The following VCL variants were observed in gnomAD, a reference collection of about 807,000 sequenced individuals.
VCL encodes vinculin, also known as epididymis luminal protein 114.
Under a neutral mutation model 125.7 loss-of-function variants are expected in VCL, and 47 were observed. The observed-to-expected ratio is 0.37, with a 90% CI of 0.30 to 0.48. VCL has a LOEUF of 0.48. VCL is among the 20% of genes least tolerant of loss of function. The pLI is 0.99. For synonymous variants in VCL, 458 were observed against 514.6 expected, an observed-to-expected ratio of 0.89 and a Z score of 1.49; for missense variants, 1,069 against 1,455.5, an observed-to-expected ratio of 0.73 and a Z score of 4.32.
chr10:74,060,291 C>T (rs182695846), intron 2 of VCL, among the ~76,000 whole-genome samples: 6 of 150,816 alleles, frequency 4.0e-5, no homozygotes, highest in Non-Finnish European at 8.9e-5. Context: ...GGTAACAGAG[C>T]GAGACACTGT....
rs371716830 is a variant in VCL, at chr10:74,042,374, A to G, written c.169-709A>G. On this transcript the variant is annotated intron_variant, in intron 1 of 21. Coordinates refer to ENST00000211998, the MANE Select transcript of VCL (RefSeq NM_014000.3). Reference sequence around the variant, plus strand: ...ATTATCACATTTGGCATTACTGCTTATAAGGTATATTCTCATAAGTGGAAT... The same window carrying G: ...ATTATCACATTTGGCATTACTGCTTGTAAGGTATATTCTCATAAGTGGAAT... Among the ~76,000 whole-genome samples the G allele has an allele frequency of 2.5e-4, 38 of 152,352 alleles. 1 individual carries two copies. In the East Asian group the frequency reaches 6.7e-3, roughly 27 times the overall value.
intron 10 of VCL, 146 bp downstream of exon 10, chr10:74,090,344 T>C (rs1176459030): frequency 8.0e-6 from 7 of 875,088 alleles, no homozygotes; most frequent in East Asian, 8.0e-5. Context: ...TCTTCCACTA[T>C]ATTCTCATTA....
At position 74,111,925 on chromosome 10, in the gene VCL, C is replaced by T. The variant is rs375254227; in HGVS notation, c.2762C>T (p.Ala921Val). Residue 921 changes from alanine (A) to valine (V), a missense_variant, in exon 19 of 22, where the codon GCT becomes GTT. Physicochemically the swap from Ala to Val is moderately conservative, Grantham distance 64. Transcript: ENST00000211998. Reference protein sequence around the residue: ...KWSSKPGIPAAEVGIGVVAEA... With the variant: ...KWSSKPGIPAVEVGIGVVAEA... ...TCGACAAAGCCGGGCATCCCAGCCG[C>T]TGAGGTGGGTATAGGTGTTGTAGCT... The T allele has an allele frequency of 3.1e-6, 5 of 1,614,098 alleles. No individual in the cohort carries two copies. In the African/African-American group the frequency reaches 6.7e-5, roughly 22 times the overall value.
chr10:74,048,084 A>G (rs1841223488), intron 2 of VCL, among the ~76,000 whole-genome samples: 1 of 152,192 alleles, frequency 6.6e-6, no homozygotes, highest in East Asian at 1.9e-4. Flanking sequence ...TGCCATCGAA[A>G]CTGCCCAGAT....
intron 1 of VCL, among the ~76,000 whole-genome samples, chr10:74,033,832 T>C (rs150913761): frequency 5.0e-4 from 76 of 152,294 alleles, no homozygotes; most frequent in African/African-American, 1.8e-3. Flanking sequence ...ATGTTACCAA[T>C]TGACCCAGTC....
chr10:74,073,785 T>C (rs1839530801), intron 5 of VCL, among the ~76,000 whole-genome samples: 1 of 152,218 alleles, frequency 6.6e-6, no homozygotes, highest in Non-Finnish European at 1.5e-5. Context: ...GCTCATGGTT[T>C]ATATGAATTA....
intron 12 of VCL, among the ~76,000 whole-genome samples, chr10:74,096,230 T>C (rs2131917146): frequency 6.6e-6 from 1 of 151,892 alleles, no homozygotes; most frequent in African/African-American, 2.4e-5. Flanking sequence ...GGCATGGTGG[T>C]ACATGCCTGT....
In VCL at chr10:74,109,576, C is replaced by CTTTTTTTTT. The variant is rs3037358; in HGVS notation, c.2745+421_2745+429dup. Among the ~76,000 whole-genome samples the CTTTTTTTTT allele has an allele frequency of 1.2e-4, 18 of 147,372 alleles. 1 individual carries two copies. Among genetic ancestry groups the CTTTTTTTTT allele is most frequent in the African/African-American group, 2.0e-4 (8 of 40,050 alleles). ...AAGCTAGATGAAATGTTTGCATTTT[C>CTTTTTTTTT]TTTTTTTTTCCACAGAAGCAAGTAG... On this transcript the variant is annotated intron_variant, in intron 18 of 21. Coordinates refer to ENST00000211998, the MANE Select transcript of VCL (RefSeq NM_014000.3).
intron 1 of VCL, among the ~76,000 whole-genome samples, chr10:74,039,205 G>T (rs369427801): frequency 6.6e-6 from 1 of 152,096 alleles, no homozygotes; most frequent in Admixed American, 6.6e-5. Flanking sequence ...GAGCCACCAC[G>T]CCCGGCCACG....
chr10:74,100,916 T>A lies in VCL; in HGVS notation c.1873-32T>A, dbSNP rs1337988678. Reference sequence around the variant, plus strand: ...GGCTGCCTGACCCATTTTATTGAAATAAATGTTCTTAATATCTGTTTTTTC... The same window carrying A: ...GGCTGCCTGACCCATTTTATTGAAAAAAATGTTCTTAATATCTGTTTTTTC... On this transcript the variant is annotated intron_variant, in intron 13 of 21. Transcript: ENST00000211998. 5.0e-6 allele frequency: 8 copies of A among 1,613,248 alleles called. No individual in the cohort carries two copies. In the East Asian group the frequency reaches 1.8e-4, roughly 36 times the overall value.
intron 1 of VCL, among the ~76,000 whole-genome samples, chr10:74,033,863 G>A (rs1840926959): frequency 6.6e-6 from 1 of 152,136 alleles, no homozygotes; most frequent in East Asian, 1.9e-4. Context: ...GGGGCTGGGA[G>A]CCATCCTAGA....
intron 8 of VCL, among the ~76,000 whole-genome samples, chr10:74,084,058 G>A (rs961146041): frequency 6.6e-6 from 1 of 152,114 alleles, no homozygotes; most frequent in African/African-American, 2.4e-5. Context: ...GTACAGACGG[G>A]GTTTCACCAT....
chr10:74,067,674 G>T (rs1044393681), intron 2 of VCL, among the ~76,000 whole-genome samples: 1 of 152,168 alleles, frequency 6.6e-6, no homozygotes, highest in African/African-American at 2.4e-5. Context: ...CATAAAAAAA[G>T]AATGAAGTAT....
At chr10:74,008,717 A>G (rs577320196) in intron 1 of VCL, among the ~76,000 whole-genome samples, 2 of 152,298 alleles carry the variant, frequency 1.3e-5, no homozygotes, top group African/African-American at 2.4e-5. Context: ...GTGTATTTTT[A>G]CATAATAAAC....
intron 1 of VCL, among the ~76,000 whole-genome samples, chr10:74,031,643 A>G (rs772059586): frequency 2.0e-5 from 3 of 152,148 alleles, no homozygotes; most frequent in Non-Finnish European, 4.4e-5. Context: ...ACAAACAACA[A>G]AAGAAGACAA....
intron 5 of VCL, among the ~76,000 whole-genome samples, chr10:74,073,923 C>T (rs1839532770): frequency 6.6e-6 from 1 of 152,150 alleles, no homozygotes; most frequent in African/African-American, 2.4e-5. Context: ...TAAAAAAGGA[C>T]ATATGAGTAT....
chr10:74,046,680 G>A (rs1226055165), intron 2 of VCL, among the ~76,000 whole-genome samples: 3 of 152,208 alleles, frequency 2.0e-5, no homozygotes, highest in Admixed American at 2.0e-4. Context: ...TACAGAGCAC[G>A]GGGAATGAGT....
chr10:74,072,670 A>C (rs570945176), intron 4 of VCL, 60 bp from the exon 5 acceptor site: 101 of 1,612,910 alleles, frequency 6.3e-5, no homozygotes, highest in Non-Finnish European at 8.4e-5. Flanking sequence ...TTAGACTGAG[A>C]AAGCCAGACC....
At chr10:73,999,064 C>G (rs1840174247) in intron 1 of VCL, among the ~76,000 whole-genome samples, 1 of 152,220 alleles carries the variant, frequency 6.6e-6, no homozygotes, top group Non-Finnish European at 1.5e-5. Flanking sequence ...TTCGTGACCA[C>G]AAGCCCGGTT....
Sources: gnomAD v4.1 joint callset for allele counts (sites outside exome capture counted in the v4.1 genomes callset) on GRCh38, gnomAD v4.1.1 for gene constraint, MANE v1.5 for transcripts, NCBI Gene and HGNC (gene_info 2026-07-23, HGNC 2026-07-21) for gene names.